The following CTNNA3 variants were observed in gnomAD, a reference collection of about 807,000 sequenced individuals.
CTNNA3 encodes catenin alpha-3.
CTNNA3 carries 76 observed loss-of-function variants against 95.7 expected under a neutral mutation model. The ratio of observed to expected loss-of-function variants is 0.79; its 90% CI spans 0.66 to 0.96. CTNNA3 has a LOEUF of 0.96. CTNNA3 is among the 40% of genes least tolerant of loss of function. The probability of loss-of-function intolerance (pLI) is 0.00; values close to 1 mark genes in which losing one functional copy is unlikely to be tolerated. For synonymous variants in CTNNA3, 431 were observed against 374.4 expected (o/e 1.15, Z -1.74); for missense variants, 1,191 against 1,089.8 (o/e 1.09, Z -1.31).
At chr10:66,869,126 T>C (rs191584383) in intron 7 of CTNNA3, among the ~76,000 whole-genome samples, 75 of 152,286 alleles carry the variant, frequency 4.9e-4, no homozygotes, top group African/African-American at 1.7e-3. Flanking sequence ...TTAAATAGTG[T>C]CAATTAACTC....
At chr10:66,440,742 C>T (rs576243764) in intron 11 of CTNNA3, among the ~76,000 whole-genome samples, 43 of 151,416 alleles carry the variant, frequency 2.8e-4, no homozygotes, top group South Asian at 2.7e-3. Flanking sequence ...ACTAGCTCTA[C>T]GACATGAAAT....
At chr10:67,206,335 T>A (rs565605961) in intron 6 of CTNNA3, among the ~76,000 whole-genome samples, 1 of 152,316 alleles carries the variant, frequency 6.6e-6, no homozygotes, top group South Asian at 2.1e-4. Context: ...GCCTGTGGTA[T>A]ATATCACATT....
At chr10:67,652,354 G>A (rs1839900472) in intron 1 of CTNNA3, among the ~76,000 whole-genome samples, 1 of 152,138 alleles carries the variant, frequency 6.6e-6, no homozygotes. Flanking sequence ...CCATTTCTCA[G>A]GGATTCCCAA....
At chr10:66,187,958 T>G (rs1564743469) in intron 13 of CTNNA3, among the ~76,000 whole-genome samples, 1 of 152,144 alleles carries the variant, frequency 6.6e-6, no homozygotes, top group Non-Finnish European at 1.5e-5. Flanking sequence ...ATAAAGACTT[T>G]AAGCAATTTT....
At chr10:67,505,975 C>G (rs1274773473) in intron 5 of CTNNA3, among the ~76,000 whole-genome samples, 1 of 152,096 alleles carries the variant, frequency 6.6e-6, no homozygotes, top group Non-Finnish European at 1.5e-5. Context: ...TGCAATATTA[C>G]AAGTTCATAT....
intron 5 of CTNNA3, among the ~76,000 whole-genome samples, chr10:67,416,745 A>C (rs1845561720): frequency 6.6e-6 from 1 of 152,140 alleles, no homozygotes; most frequent in African/African-American, 2.4e-5. Context: ...AACCACAATG[A>C]AATTCTACCT....
At chr10:65,998,089 A>T (rs1053899809) in intron 15 of CTNNA3, among the ~76,000 whole-genome samples, 10 of 152,214 alleles carry the variant, frequency 6.6e-5, no homozygotes, top group Non-Finnish European at 1.0e-4. Flanking sequence ...CTTGGTTCCT[A>T]ATGCCACAGA....
rs188875455 is a variant in CTNNA3 at position 66,444,654 on chromosome 10, T to A, written c.1532-65302A>T. On this transcript the variant is annotated intron_variant, in intron 11 of 17. Transcript: ENST00000433211. The stretch of plus-strand genomic sequence containing the variant: ...GATTTTGTCACCACCAGGCCTGCCC[T>A]AAAAGAGCTCCTGAAGGAAGCACTA... Among the ~76,000 whole-genome samples the A allele has an allele frequency of 4.9e-3, 747 of 152,142 alleles. 6 individuals are homozygous for A. Among genetic ancestry groups the A allele is most frequent in the African/African-American group, 0.012 (498 of 41,494 alleles).
intron 12 of CTNNA3, among the ~76,000 whole-genome samples, chr10:66,356,970 TAC>T (rs1008984641): frequency 1.3e-5 from 2 of 152,122 alleles, no homozygotes. Flanking sequence ...TACTTGGTTA[TAC>T]AGTTATTACT....
At chr10:66,313,081 C>A (rs930723376) in intron 12 of CTNNA3, among the ~76,000 whole-genome samples, 2 of 152,186 alleles carry the variant, frequency 1.3e-5, no homozygotes, top group Admixed American at 6.5e-5. Context: ...GAGAGTGTAT[C>A]TTCCCCCTTC....
chr10:67,476,411 T>C (rs1848013474), intron 5 of CTNNA3, among the ~76,000 whole-genome samples: 2 of 151,818 alleles, frequency 1.3e-5, no homozygotes, highest in African/African-American at 4.8e-5. Context: ...GCAGAGAGAG[T>C]GGTGCAGTGG....
intron 5 of CTNNA3, among the ~76,000 whole-genome samples, chr10:67,432,251 G>A: frequency 6.6e-6 from 1 of 151,888 alleles, no homozygotes; most frequent in Admixed American, 6.6e-5. Context: ...GATAAAATTA[G>A]AAATTAATAA....
intron 1 of CTNNA3, among the ~76,000 whole-genome samples, chr10:67,678,027 C>G (rs1840565000): frequency 6.6e-6 from 1 of 152,020 alleles, no homozygotes; most frequent in Non-Finnish European, 1.5e-5. Context: ...TCTGTAGAAT[C>G]AAAACTAATA....
rs548483127 is a variant in CTNNA3, at chr10:66,065,690, T to A, written c.2159+3618A>T. Among the ~76,000 whole-genome samples the A allele has an allele frequency of 8.5e-5, 13 of 152,226 alleles. No homozygotes were observed. In the South Asian group the frequency reaches 2.7e-3, roughly 32 times the overall value. On this transcript the variant is annotated intron_variant, in intron 15 of 17. Coordinates refer to ENST00000433211, the MANE Select transcript of CTNNA3 (RefSeq NM_013266.4). ...TTTCTTTATCAGATTCTATTTTCTC[T>A]GCCCACTTCTTCAAAGCTTCTGTTC... is the stretch of plus-strand genomic sequence containing the variant.
At chr10:66,787,379 C>T (rs1187340884) in intron 7 of CTNNA3, among the ~76,000 whole-genome samples, 1 of 151,812 alleles carries the variant, frequency 6.6e-6, no homozygotes, top group Non-Finnish European at 1.5e-5. Flanking sequence ...GAGTAATACC[C>T]CCTGGTTCGC....
At chr10:66,812,945 T>C (rs570548580) in intron 7 of CTNNA3, among the ~76,000 whole-genome samples, 1 of 152,286 alleles carries the variant, frequency 6.6e-6, no homozygotes, top group East Asian at 1.9e-4. Context: ...TTTCTCTCAC[T>C]ATTTTGTTGA....
At chr10:67,555,685 T>C (rs1214700398) in intron 3 of CTNNA3, among the ~76,000 whole-genome samples, 2 of 152,222 alleles carry the variant, frequency 1.3e-5, no homozygotes, top group African/African-American at 4.8e-5. Context: ...AGATATACTA[T>C]CATGTTATCT....
chr10:66,807,762 C>T (rs186354252), intron 7 of CTNNA3, among the ~76,000 whole-genome samples: 1 of 152,214 alleles, frequency 6.6e-6, no homozygotes, highest in African/African-American at 2.4e-5. Context: ...TTATCTTCCC[C>T]AGGCCTGTTT....
intron 7 of CTNNA3, among the ~76,000 whole-genome samples, chr10:67,035,900 T>C (rs1234547635): frequency 2.0e-5 from 3 of 152,226 alleles, no homozygotes. Context: ...AGAATTTTAA[T>C]TCAAGTTATG....
Sources: gnomAD v4.1 joint callset for allele counts (sites outside exome capture counted in the v4.1 genomes callset) on GRCh38, gnomAD v4.1.1 for gene constraint, MANE v1.5 for transcripts, NCBI Gene and HGNC (gene_info 2026-07-23, HGNC 2026-07-21) for gene names.